The following SMYD3 variants were observed in gnomAD, a reference collection of about 807,000 sequenced individuals.
SMYD3 encodes the protein histone-lysine N-methyltransferase SMYD3.
In SMYD3, 36 loss-of-function variants were observed where a neutral mutation model predicts 57.7. The ratio of observed to expected loss-of-function variants is 0.62; its 90% CI spans 0.48 to 0.82. The LOEUF (loss-of-function observed/expected upper bound fraction) is 0.82, where lower values mean the gene tolerates loss of function less well. Among genes scored for constraint, SMYD3 ranks in the 40% least tolerant of loss-of-function variants. SMYD3 has a pLI of 0.00. For synonymous variants in SMYD3, 211 were observed against 195.0 expected, an observed-to-expected ratio of 1.08 and a Z score of -0.68; for missense variants, 515 against 538.8, an observed-to-expected ratio of 0.96 and a Z score of 0.44.
intron 5 of SMYD3, among the ~76,000 whole-genome samples, chr1:246,193,448 C>T (rs12035845): frequency 0.28 from 42,326 of 152,004 alleles, 6,733 homozygotes; most frequent in East Asian, 0.57. Context: ...TGATCTTTTA[C>T]GTACCCTTCA....
chr1:246,175,248 T>TAA (rs1558289832), intron 5 of SMYD3, among the ~76,000 whole-genome samples: 1 of 152,164 alleles, frequency 6.6e-6, no homozygotes, highest in African/African-American at 2.4e-5. Context: ...TCCCTTTATA[T>TAA]TGCACCAAAA....
chr1:246,137,241 T>C (rs1376308060), intron 5 of SMYD3, among the ~76,000 whole-genome samples: 1 of 152,198 alleles, frequency 6.6e-6, no homozygotes, highest in African/African-American at 2.4e-5. Flanking sequence ...ATAAGGAAAC[T>C]CTGGACCTAT....
chr1:246,361,386 G>A (rs974571797), intron 1 of SMYD3, among the ~76,000 whole-genome samples: 1 of 152,154 alleles, frequency 6.6e-6, no homozygotes, highest in African/African-American at 2.4e-5. Flanking sequence ...GAAAACAGTG[G>A]AGATTCCTAA....
intron 1 of SMYD3, among the ~76,000 whole-genome samples, chr1:246,496,000 G>A (rs1195699948): frequency 6.6e-6 from 1 of 151,262 alleles, no homozygotes; most frequent in Non-Finnish European, 1.5e-5. Context: ...TCCTTTTTAT[G>A]TTGAAATATT....
At chr1:246,047,300 G>C (rs1184107510) in intron 5 of SMYD3, among the ~76,000 whole-genome samples, 1 of 152,074 alleles carries the variant, frequency 6.6e-6, no homozygotes, top group African/African-American at 2.4e-5. Flanking sequence ...TCTAGAACAG[G>C]GACAGAAAAG....
chr1:246,300,253 T>C (rs891644364), intron 5 of SMYD3, among the ~76,000 whole-genome samples: 1 of 152,146 alleles, frequency 6.6e-6, no homozygotes, highest in Non-Finnish European at 1.5e-5. Flanking sequence ...AGTTTTTTTA[T>C]AGACCCCAAT....
chr1:246,126,006 G>A (rs2061503760), intron 5 of SMYD3, among the ~76,000 whole-genome samples: 1 of 152,174 alleles, frequency 6.6e-6, no homozygotes, highest in Non-Finnish European at 1.5e-5. Flanking sequence ...AGAAACCATC[G>A]GAACAGCATT....
chr1:245,838,312 G>A (rs902451400), intron 10 of SMYD3, among the ~76,000 whole-genome samples: 4 of 152,226 alleles, frequency 2.6e-5, no homozygotes, highest in African/African-American at 9.6e-5. Context: ...GCTGCTCTGG[G>A]TGTAACCCAG....
At chr1:246,018,051 C>T (rs922105011) in intron 5 of SMYD3, among the ~76,000 whole-genome samples, 1 of 152,088 alleles carries the variant, frequency 6.6e-6, no homozygotes, top group Non-Finnish European at 1.5e-5. Flanking sequence ...CTTTAAGTAG[C>T]GAACAGTATT....
chr1:245,951,510 A>T (rs1177649478), intron 5 of SMYD3, among the ~76,000 whole-genome samples: 1 of 137,096 alleles, frequency 7.3e-6, no homozygotes, highest in Non-Finnish European at 1.5e-5. Flanking sequence ...CAGAGCTTGC[A>T]GTGAGCCGAG....
chr1:246,090,517 T>C (rs1269369322), intron 5 of SMYD3, among the ~76,000 whole-genome samples: 2 of 52,746 alleles, frequency 3.8e-5, no homozygotes, highest in African/African-American at 5.4e-5. Context: ...TTTCTTTCTC[T>C]CTCTCTTTTT....
intron 5 of SMYD3, among the ~76,000 whole-genome samples, chr1:246,148,319 G>A (rs778493201): frequency 3.9e-4 from 60 of 152,276 alleles, no homozygotes; most frequent in Non-Finnish European, 7.8e-4. Flanking sequence ...CTGCAGAGAT[G>A]TCTGAACGGC....
chr1:245,825,801 T>C (rs1187314559), intron 10 of SMYD3, among the ~76,000 whole-genome samples: 4 of 151,572 alleles, frequency 2.6e-5, no homozygotes, highest in African/African-American at 4.8e-5. Flanking sequence ...ATACTAATTA[T>C]TCCTATTTTA....
chr1:245,939,087 G>C (rs1182647795), intron 5 of SMYD3, among the ~76,000 whole-genome samples: 1 of 151,478 alleles, frequency 6.6e-6, no homozygotes, highest in African/African-American at 2.4e-5. Flanking sequence ...AGGTTACAGT[G>C]AGCCAAGATC....
intron 5 of SMYD3, among the ~76,000 whole-genome samples, chr1:245,997,917 A>T (rs936785458): frequency 1.3e-5 from 2 of 152,238 alleles, no homozygotes; most frequent in African/African-American, 4.8e-5. Context: ...AGATGCTCAG[A>T]CAAGAGGTCA....
chr1:246,443,368 T>G (rs2067499765), intron 1 of SMYD3, among the ~76,000 whole-genome samples: 1 of 152,230 alleles, frequency 6.6e-6, no homozygotes, highest in African/African-American at 2.4e-5. Context: ...TCAATTTATT[T>G]AGGAAGCTCT....
Position 246,173,736 on chromosome 1 carries a change from T to C in SMYD3, c.531+153465A>G, listed in dbSNP as rs532984082. On this transcript the variant is annotated intron_variant, in intron 5 of 11. Coordinates refer to ENST00000490107, the MANE Select transcript of SMYD3 (RefSeq NM_001167740.2). Reference sequence around the variant, plus strand: ...TCAATAAAGGCATGGAGCTGTCAGCTCTTATGATAACAATGCCTTCTCTGG... The same window carrying C: ...TCAATAAAGGCATGGAGCTGTCAGCCCTTATGATAACAATGCCTTCTCTGG... Among the ~76,000 whole-genome samples, 7 of 152,270 alleles carry C rather than the reference T, an allele frequency of 4.6e-5. No homozygotes were observed. In the South Asian group the frequency reaches 1.5e-3, roughly 32 times the overall value.
chr1:245,987,682 C>G (rs577815600), intron 5 of SMYD3, among the ~76,000 whole-genome samples: 1 of 152,322 alleles, frequency 6.6e-6, no homozygotes, highest in East Asian at 1.9e-4. Flanking sequence ...ACCCAAGGCA[C>G]ACGACTTATC....
chr1:246,441,482 G>A (rs973937897), intron 1 of SMYD3, among the ~76,000 whole-genome samples: 4 of 152,098 alleles, frequency 2.6e-5, no homozygotes, highest in Admixed American at 1.3e-4. Flanking sequence ...ACTCCTTTTC[G>A]GATTATCACT....
Sources: allele counts gnomAD v4.1 joint callset (sites outside exome capture counted in the v4.1 genomes callset), GRCh38; gene constraint gnomAD v4.1.1; transcripts MANE v1.5; gene names NCBI Gene and HGNC (gene_info 2026-07-23, HGNC 2026-07-21).